Variants in NCKAP5 observed in about 807,000 individuals in gnomAD.
NCKAP5 encodes NCK associated protein 5.
Under a neutral mutation model 167.0 loss-of-function variants are expected in NCKAP5, and 92 were observed. The observed-to-expected ratio is 0.55, with a 90% CI of 0.47 to 0.66. NCKAP5 has a LOEUF of 0.66. Ranked by LOEUF, NCKAP5 falls within the 30% of genes least tolerant of loss-of-function variation. The pLI is 0.00. For synonymous variants in NCKAP5, 891 were observed against 877.4 expected (o/e 1.02, Z -0.27); for missense variants, 2,378 against 2,315.0 (o/e 1.03, Z -0.56).
At chr2:132,694,840 G>A (rs1693677931) in intron 19 of NCKAP5, among the ~76,000 whole-genome samples, 1 of 152,140 alleles carries the variant, frequency 6.6e-6, no homozygotes, top group South Asian at 2.1e-4. Context: ...TTTGGTAAAG[G>A]CCGAGCTTAG....
At position 132,785,308 on chromosome 2, in the gene NCKAP5, A is replaced by C; in HGVS notation, c.1503T>G (p.Ser501Arg). 1 of 1,608,384 alleles carries C rather than the reference A, an allele frequency of 6.2e-7. No homozygotes were observed. Among genetic ancestry groups the C allele is most frequent in the Admixed American group, 1.7e-5 (1 of 59,426 alleles). ...TGTCGGAAACACTGTGGGTTAATTT[A>C]CTGCCATGTGGCCTGCAGCTCTGGT... ...VPNQSCRPHG[S>R]KLTHSVSDSL... Residue 501 changes from serine (S) to arginine (R), a missense_variant, in exon 14 of 20, where the codon AGT becomes AGG. By Grantham distance (110) the Ser-to-Arg change is moderately radical (BLOSUM62 -1). This residue lies in a region of NCKAP5 where 1,049 missense variants were observed against 1,023.4 expected (regional missense o/e 1.02). Coordinates refer to ENST00000409261, the MANE Select transcript of NCKAP5 (RefSeq NM_207363.3).
chr2:133,650,082 G>A, the NCKAP5 span, among the ~76,000 whole-genome samples: 2 of 152,134 alleles, frequency 1.3e-5, no homozygotes, highest in African/African-American at 4.8e-5. Flanking sequence ...AGCAAACTGT[G>A]TGAAAAGGAA....
At chr2:132,674,092 C>T (rs1028284244) in intron 19 of NCKAP5, among the ~76,000 whole-genome samples, 4 of 152,140 alleles carry the variant, frequency 2.6e-5, no homozygotes, top group African/African-American at 9.7e-5. Context: ...CAGAGGGAGG[C>T]ACACTTGCGA....
intron 2 of NCKAP5, among the ~76,000 whole-genome samples, chr2:133,522,669 C>T (rs976286158): frequency 4.6e-5 from 7 of 151,608 alleles, no homozygotes; most frequent in Non-Finnish European, 1.0e-4. Context: ...GGCAAAAATA[C>T]AATTTTGTTT....
At chr2:133,128,401 GCA>G (rs2082472109) in intron 6 of NCKAP5, among the ~76,000 whole-genome samples, 1 of 152,176 alleles carries the variant, frequency 6.6e-6, no homozygotes, top group Non-Finnish European at 1.5e-5. Flanking sequence ...GGCTGTAAAT[GCA>G]CAGTTTTCTG....
chr2:132,726,547 T>C (rs115845702), intron 18 of NCKAP5, among the ~76,000 whole-genome samples: 197 of 152,312 alleles, frequency 1.3e-3, no homozygotes, highest in African/African-American at 4.3e-3. Flanking sequence ...CTTTTTTCTG[T>C]TTGTAGAATG....
intron 6 of NCKAP5, among the ~76,000 whole-genome samples, chr2:133,075,362 C>T (rs1376109038): frequency 1.3e-5 from 2 of 152,032 alleles, no homozygotes; most frequent in Admixed American, 6.5e-5. Flanking sequence ...CTAAAGGAGC[C>T]GCTTCAAGAA....
chr2:133,458,077 T>C (rs902374916), intron 3 of NCKAP5, among the ~76,000 whole-genome samples: 1 of 152,140 alleles, frequency 6.6e-6, no homozygotes, highest in African/African-American at 2.4e-5. Flanking sequence ...CTGAGATCCA[T>C]GAACATCAGC....
In NCKAP5 at chr2:132,740,314, T is replaced by A. The variant is rs375223037; in HGVS notation, c.5129-8263A>T. 3.0e-3 allele frequency among the ~76,000 whole-genome samples: 460 copies of A among 152,288 alleles called. 5 individuals carry two copies. Among genetic ancestry groups the A allele is most frequent in the African/African-American group, 0.011 (443 of 41,560 alleles). ...TAATGCAAGTGGTCATGTAAATAAGTCTTTGTAGAAGGTCTCTCCAGGTTC... is the reference window on the plus strand; with the variant it reads ...TAATGCAAGTGGTCATGTAAATAAGACTTTGTAGAAGGTCTCTCCAGGTTC... On this transcript the variant is annotated intron_variant, in intron 16 of 19. Coordinates refer to ENST00000409261, the MANE Select transcript of NCKAP5 (RefSeq NM_207363.3).
chr2:133,386,987 T>C (rs1382163451), intron 3 of NCKAP5, among the ~76,000 whole-genome samples: 1 of 152,228 alleles, frequency 6.6e-6, no homozygotes, highest in Non-Finnish European at 1.5e-5. Context: ...TGATGGGTCT[T>C]GACTCTTATC....
intron 7 of NCKAP5, among the ~76,000 whole-genome samples, chr2:132,966,163 G>A (rs538272277): frequency 1.2e-4 from 19 of 152,184 alleles, no homozygotes; most frequent in Non-Finnish European, 1.8e-4. Context: ...GCAGTGGTGC[G>A]ATCTCAGCTC....
chr2:133,570,695 G>A (rs72994270), upstream of NCKAP5, among the ~76,000 whole-genome samples: 5,453 of 152,260 alleles, frequency 0.036, 338 homozygotes, highest in African/African-American at 0.12. Context: ...AGACAAGTGT[G>A]AGCCGCTTCG....
At chr2:132,951,769 T>A (rs749690296) in intron 8 of NCKAP5, among the ~76,000 whole-genome samples, 2 of 152,206 alleles carry the variant, frequency 1.3e-5, no homozygotes, top group Non-Finnish European at 2.9e-5. Context: ...ATGTAACATT[T>A]TCTCCTGGCA....
the NCKAP5 span, among the ~76,000 whole-genome samples, chr2:133,633,368 A>G: frequency 6.6e-6 from 1 of 152,210 alleles, no homozygotes; most frequent in Non-Finnish European, 1.5e-5. Context: ...GTGCTGGCCA[A>G]CTGGGGTGGG....
the NCKAP5 span, among the ~76,000 whole-genome samples, chr2:133,636,018 A>G: frequency 1.3e-5 from 2 of 152,356 alleles, no homozygotes; most frequent in East Asian, 3.9e-4. Context: ...GAGCTTATGA[A>G]CAGTAGTGTG....
At chr2:132,750,562 T>C (rs1680024214) in intron 16 of NCKAP5, among the ~76,000 whole-genome samples, 1 of 152,040 alleles carries the variant, frequency 6.6e-6, no homozygotes, top group Non-Finnish European at 1.5e-5. Flanking sequence ...AAGAGCTGAG[T>C]TATAGCATGG....
chr2:133,290,951 G>A (rs897531083), intron 4 of NCKAP5, among the ~76,000 whole-genome samples: 3 of 151,932 alleles, frequency 2.0e-5, no homozygotes, highest in Non-Finnish European at 2.9e-5. Context: ...AAACTCCTGG[G>A]TTCAAGCAGA....
At chr2:132,976,420 C>G (rs572632151) in intron 7 of NCKAP5, among the ~76,000 whole-genome samples, 2 of 151,764 alleles carry the variant, frequency 1.3e-5, no homozygotes, top group African/African-American at 4.8e-5. Context: ...GAAAATTAGC[C>G]GGGCATGGTG....
At chr2:132,860,862 T>G (rs1231029539) in intron 10 of NCKAP5, among the ~76,000 whole-genome samples, 1 of 152,212 alleles carries the variant, frequency 6.6e-6, no homozygotes, top group East Asian at 1.9e-4. Context: ...CATGCTATTT[T>G]TGAAGACAGT....
Sources: allele counts gnomAD v4.1 joint callset (sites outside exome capture counted in the v4.1 genomes callset), GRCh38; gene constraint gnomAD v4.1.1; regional missense constraint gnomAD v4.1.1; transcripts MANE v1.5; gene names NCBI Gene and HGNC (gene_info 2026-07-23, HGNC 2026-07-21).